The following LPA variants were observed in gnomAD, a reference collection of about 807,000 sequenced individuals.
The protein encoded by LPA is lipoprotein(a).
In LPA, 199 loss-of-function variants were observed where a neutral mutation model predicts 197.9. That is an observed-to-expected ratio of 1.01 (90% confidence interval 0.90 to 1.13). The LOEUF (loss-of-function observed/expected upper bound fraction) is 1.13, where lower values mean the gene tolerates loss of function less well. LPA is among the 50% of genes most tolerant of loss of function. The probability of loss-of-function intolerance (pLI) is 0.00; values close to 1 mark genes in which losing one functional copy is unlikely to be tolerated. For missense variants in LPA, 1,853 were observed against 1,785.8 expected, an observed-to-expected ratio of 1.04 and a Z score of -0.68; for synonymous variants, 715 against 639.5, an observed-to-expected ratio of 1.12 and a Z score of -1.78.
At position 160,663,994 on chromosome 6, in the gene LPA, G is replaced by C. The variant is rs41269844; in HGVS notation, c.49+172C>G. Among the ~76,000 whole-genome samples the C allele has an allele frequency of 0.093, 14,105 of 150,980 alleles. 817 individuals carry two copies. Among genetic ancestry groups the C allele is most frequent in the Non-Finnish European group, 0.14 (9,217 of 67,980 alleles). ...ATTCCAGCACCGTGACAGTCTTCAC[G>C]GGGAAATTAAACTTATTTTTTTAAG... On this transcript the variant is annotated intron_variant, in intron 1 of 38. Coordinates refer to ENST00000316300, the MANE Select transcript of LPA (RefSeq NM_005577.4).
At chr6:160,575,529 T>C (rs1778639559) in intron 28 of LPA, among the ~76,000 whole-genome samples, 1 of 152,246 alleles carries the variant, frequency 6.6e-6, no homozygotes, top group Admixed American at 6.5e-5. Flanking sequence ...AACTAATTTA[T>C]GTTGAGAGGA....
rs1778801293 is a variant in LPA at position 160,581,507 on chromosome 6, G to T, written c.4290-2803C>A. Among the ~76,000 whole-genome samples the T allele has an allele frequency of 2.0e-5, 3 of 151,974 alleles. No homozygotes were observed. The South Asian group carries it at 6.2e-4, about 32-fold the overall frequency. On this transcript the variant is annotated intron_variant, in intron 26 of 38. Coordinates refer to ENST00000316300, the MANE Select transcript of LPA (RefSeq NM_005577.4). ...GTAGAGATGAGGGTCTTGCTATGTT[G>T]CCCAGGCTTGTCTGCAACTCCTCAT...
At chr6:160,591,454 A>C (rs1397147234) in intron 22 of LPA, among the ~76,000 whole-genome samples, 1 of 152,222 alleles carries the variant, frequency 6.6e-6, no homozygotes. Flanking sequence ...AGATTGTTTT[A>C]TGCACGTACA....
chr6:160,600,263 C>A (rs978663072), intron 19 of LPA, among the ~76,000 whole-genome samples: 1 of 152,170 alleles, frequency 6.6e-6, no homozygotes, highest in Non-Finnish European at 1.5e-5. Flanking sequence ...CAGCATAATG[C>A]ATTGCAATAA....
chr6:160,537,827 G>T (rs750190640), intron 37 of LPA, 28 bp downstream of exon 37: 1 of 1,595,956 alleles, frequency 6.3e-7, no homozygotes, highest in Non-Finnish European at 8.6e-7. Context: ...AAAACAATTT[G>T]TTACGTGGGC....
At chr6:160,611,036 T>C (rs1779496119) in intron 16 of LPA, among the ~76,000 whole-genome samples, 1 of 152,140 alleles carries the variant, frequency 6.6e-6, no homozygotes, top group Admixed American at 6.5e-5. Flanking sequence ...TTGGATCTTC[T>C]CTTGCTGGGA....
chr6:160,567,495 G>T (rs1583583849), intron 28 of LPA, among the ~76,000 whole-genome samples: 2 of 152,140 alleles, frequency 1.3e-5, no homozygotes, highest in Non-Finnish European at 2.9e-5. Context: ...ATTTAAAGCA[G>T]TGTGTAGGGG....
chr6:160,553,954 T>TGTGTGTGCGCGCGCGCGC (rs771903485), intron 30 of LPA, among the ~76,000 whole-genome samples: 14 of 130,804 alleles, frequency 1.1e-4, no homozygotes, highest in African/African-American at 4.2e-4. Flanking sequence ...TGTGTGTGTG[T>TGTGTGTGCGCGCGCGCGC]GCGCGCGCGC....
At chr6:160,563,816 A>T (rs1008338412) in intron 28 of LPA, among the ~76,000 whole-genome samples, 7 of 152,234 alleles carry the variant, frequency 4.6e-5, no homozygotes, top group African/African-American at 1.4e-4. Flanking sequence ...ACCATTAGGT[A>T]ATGCCCTCCT....
chr6:160,562,037 C>G (rs1011374319), intron 28 of LPA, among the ~76,000 whole-genome samples: 8 of 152,174 alleles, frequency 5.3e-5, no homozygotes, highest in Admixed American at 4.6e-4. Context: ...GACTCCCTCT[C>G]TTCCCACTTG....
intron 35 of LPA, 35 bp from the exon 36 acceptor site, chr6:160,540,218 G>C (rs775316652): frequency 1.2e-5 from 19 of 1,613,788 alleles, no homozygotes; most frequent in Non-Finnish European, 1.5e-5. Context: ...GAAAAATATG[G>C]TCCAGCCCCT....
chr6:160,604,835 T>C (rs1779312589), intron 18 of LPA, among the ~76,000 whole-genome samples: 1 of 152,186 alleles, frequency 6.6e-6, no homozygotes, highest in South Asian at 2.1e-4. Flanking sequence ...CCAGATACCT[T>C]TCTGCTCCAT....
chr6:160,594,097 C>T lies in LPA; in HGVS notation c.3490G>A (p.Gly1164Arg), dbSNP rs558485988. Residue 1164 changes from glycine (G) to arginine (R), a missense_variant, in exon 22 of 39, where the codon GGG (glycine) becomes AGG (arginine). Gly to Arg is a moderately radical substitution (Grantham distance 125). Coordinates refer to ENST00000316300, the MANE Select transcript of LPA (RefSeq NM_005577.4). Reference sequence around the variant, plus strand: ...TCACCATGGTAGCAATCCTGGACCCCGGGGCTTTGCTCCGTTGGTGCTGAA... The same window carrying T: ...TCACCATGGTAGCAATCCTGGACCCTGGGGCTTTGCTCCGTTGGTGCTGAA... ...SEEAPTEQSP[G>R]VQDCYHGDGQ... The T allele has an allele frequency of 9.8e-5, 158 of 1,613,806 alleles. No individual in the cohort carries two copies. In the African/African-American group the frequency reaches 1.6e-3, roughly 16 times the overall value.
Position 160,577,257 on chromosome 6 carries a change from G to A in LPA, c.4510C>T (p.His1504Tyr), listed in dbSNP as rs1235648070. Residue 1504 changes from histidine (H) to tyrosine (Y), a missense_variant, in exon 28 of 39, where the codon CAT (histidine) becomes TAT (tyrosine). His to Tyr is a moderately conservative substitution (Grantham distance 83). This residue lies in a region of LPA where 1,737 missense variants were observed against 1,504.4 expected (regional missense o/e 1.15). Transcript: ENST00000316300. ...CCTCGATAACTCCGTCCATCACCAT[G>A]GTAGCAATCCTGGACCACAGGGCTT... ...EKSPVVQDCY[H>Y]GDGRSYRGIS... The A allele has an allele frequency of 5.0e-6, 8 of 1,613,672 alleles. No individual in the cohort carries two copies. Among genetic ancestry groups the A allele is most frequent in the Non-Finnish European group, 6.8e-6 (8 of 1,179,820 alleles).
chr6:160,546,683 T>A (rs546583762), intron 32 of LPA, among the ~76,000 whole-genome samples: 1 of 152,214 alleles, frequency 6.6e-6, no homozygotes, highest in African/African-American at 2.4e-5. Context: ...AGATAGAGTG[T>A]CAGGACCGAG....
intron 30 of LPA, among the ~76,000 whole-genome samples, chr6:160,551,626 T>A (rs1778167678): frequency 6.6e-6 from 1 of 152,232 alleles, no homozygotes. Context: ...TTGTGAAGAT[T>A]TTATATTTTT....
intron 17 of LPA, among the ~76,000 whole-genome samples, chr6:160,605,894 C>A (rs1023214440): frequency 3.3e-5 from 5 of 152,142 alleles, no homozygotes; most frequent in Non-Finnish European, 7.3e-5. Flanking sequence ...CAACTGCCAC[C>A]AGAACACGGG....
chr6:160,593,525 A>T (rs1448060244), intron 22 of LPA, among the ~76,000 whole-genome samples: 2 of 152,194 alleles, frequency 1.3e-5, no homozygotes, highest in Non-Finnish European at 2.9e-5. Flanking sequence ...GGAGAAAGTG[A>T]TTGGAAGATC....
At chr6:160,558,160 C>T (rs1182340163) in intron 28 of LPA, among the ~76,000 whole-genome samples, 2 of 152,082 alleles carry the variant, frequency 1.3e-5, no homozygotes, top group African/African-American at 2.4e-5. Context: ...ACCTCGTGAT[C>T]CACCCACCTC....
Sources: allele counts gnomAD v4.1 joint callset (sites outside exome capture counted in the v4.1 genomes callset), GRCh38; gene constraint gnomAD v4.1.1; regional missense constraint gnomAD v4.1.1; transcripts MANE v1.5; gene names NCBI Gene and HGNC (gene_info 2026-07-23, HGNC 2026-07-21).